The following LOC128125822 variants were observed in gnomAD, a reference collection of about 807,000 sequenced individuals.
At chr6:63,573,944 C>A in the LOC128125822 span, among the ~76,000 whole-genome samples, 1 of 152,224 alleles carries the variant, frequency 6.6e-6, no homozygotes, top group East Asian at 1.9e-4. Context: ...GTTGTTGCCT[C>A]CTGTTGGTTT....
the LOC128125822 span, among the ~76,000 whole-genome samples, chr6:63,573,055 G>A: frequency 2.1e-4 from 32 of 152,086 alleles, no homozygotes; most frequent in South Asian, 6.6e-3. Context: ...GCAGCGGGCC[G>A]GGTGGGTGGC....
chr6:63,580,183 T>G, the LOC128125822 span: 2 of 1,580,214 alleles, frequency 1.3e-6, no homozygotes, highest in East Asian at 2.2e-5. Context: ...AAAATTGGGG[T>G]GCCTAATGCT....
At chr6:63,573,617 A>C in the LOC128125822 span, 3 of 152,404 alleles carry the variant, frequency 2.0e-5, no homozygotes, top group Non-Finnish European at 4.4e-5. Context: ...CTGCTAGGTG[A>C]GAACTTCGGC....
chr6:63,573,514 G>C, the LOC128125822 span: 1 of 152,198 alleles, frequency 6.6e-6, no homozygotes, highest in South Asian at 2.1e-4. Flanking sequence ...GGGGCGCAGC[G>C]GGCGTGCTCG....
chr6:63,579,972 G>A, the LOC128125822 span: 9 of 956,318 alleles, frequency 9.4e-6, no homozygotes, highest in African/African-American at 5.0e-5. Flanking sequence ...ATTGCCACAA[G>A]AGAGGTGATG....
the LOC128125822 span, chr6:63,582,703 T>C: frequency 6.6e-6 from 1 of 152,212 alleles, no homozygotes; most frequent in East Asian, 1.9e-4. Context: ...ATGTAAGTAA[T>C]GCGGTTACTG....
At chr6:63,572,826 G>T in the LOC128125822 span, 1 of 396,042 alleles carries the variant, frequency 2.5e-6, no homozygotes, top group South Asian at 1.3e-4. Flanking sequence ...AGGTTGCCCC[G>T]GGTTGCGGTT....
chr6:63,577,005 A>G, the LOC128125822 span: 1 of 1,574,834 alleles, frequency 6.3e-7, no homozygotes, highest in Non-Finnish European at 8.7e-7. Context: ...GATATGTTTT[A>G]GTAGCTTAAA....
chr6:63,576,221 G>A, the LOC128125822 span, among the ~76,000 whole-genome samples: 2 of 151,678 alleles, frequency 1.3e-5, no homozygotes, highest in African/African-American at 4.8e-5. Flanking sequence ...ATAGATCATG[G>A]ATTTCAGTTT....
At chr6:63,582,005 C>A in the LOC128125822 span, 2 of 152,076 alleles carry the variant, frequency 1.3e-5, no homozygotes, top group Admixed American at 6.6e-5. Flanking sequence ...AAAAGTGATA[C>A]TCCACCTTGT....
the LOC128125822 span, among the ~76,000 whole-genome samples, chr6:63,578,019 A>G: frequency 7.2e-5 from 11 of 152,126 alleles, no homozygotes; most frequent in Admixed American, 7.2e-4. Context: ...AGGAGTGAGT[A>G]TAATTGAGTG....
At chr6:63,578,765 CAG>C in the LOC128125822 span, 7 of 1,135,446 alleles carry the variant, frequency 6.2e-6, no homozygotes, top group Non-Finnish European at 8.3e-6. Flanking sequence ...TGGTAGACAA[CAG>C]GGTTTAATAA....
chr6:63,579,057 G>T, the LOC128125822 span: 4 of 1,543,042 alleles, frequency 2.6e-6, no homozygotes, highest in Non-Finnish European at 3.5e-6. Flanking sequence ...TTGATTCTAG[G>T]TAAAAATCTA....
At chr6:63,576,310 CGAT>C in the LOC128125822 span, 1 of 386,964 alleles carries the variant, frequency 2.6e-6, no homozygotes, top group South Asian at 1.4e-4. Context: ...AAGTAAAAGT[CGAT>C]GAAGCGGCTC....
At chr6:63,574,155 G>A in the LOC128125822 span, among the ~76,000 whole-genome samples, 2 of 152,208 alleles carry the variant, frequency 1.3e-5, no homozygotes, top group African/African-American at 4.8e-5. Flanking sequence ...CCAAGAGTGA[G>A]CAGCATTTTA....
the LOC128125822 span, chr6:63,572,598 C>T: frequency 2.4e-6 from 1 of 418,916 alleles, no homozygotes; most frequent in Non-Finnish European, 4.1e-6. Context: ...TCGCCGCCAC[C>T]GCCGCTCCGC....
At chr6:63,576,853 C>G in the LOC128125822 span, 6 of 1,560,564 alleles carry the variant, frequency 3.8e-6, no homozygotes, top group Non-Finnish European at 5.3e-6. Context: ...TTTCATAACC[C>G]TATTGAGTGT....
At chr6:63,572,777 C>G in the LOC128125822 span, 1 of 398,440 alleles carries the variant, frequency 2.5e-6, no homozygotes, top group Non-Finnish European at 4.4e-6. Context: ...GGCCCCCCAT[C>G]CCCGCTGTCG....
the LOC128125822 span, among the ~76,000 whole-genome samples, chr6:63,577,187 T>C: frequency 6.6e-6 from 1 of 152,232 alleles, no homozygotes; most frequent in South Asian, 2.1e-4. Context: ...TTAATAGTTA[T>C]TGTACCTGAG....
Sources: allele counts gnomAD v4.1 joint callset (sites outside exome capture counted in the v4.1 genomes callset), GRCh38; gene constraint gnomAD v4.1.1; transcripts MANE v1.5.